TARS3: variants seen among roughly 807,000 people sequenced by gnomAD.
The protein encoded by TARS3 is threonyl-tRNA synthetase 3.
A neutral mutation model predicts 103.5 loss-of-function variants in TARS3; 94 were observed. The ratio of observed to expected loss-of-function variants is 0.91; its 90% confidence interval spans 0.77 to 1.08. The LOEUF (loss-of-function observed/expected upper bound fraction) is 1.08. Among genes scored for constraint, TARS3 ranks in the 50% least tolerant of loss-of-function variants. The probability of loss-of-function intolerance (pLI) is 0.00; values close to 1 mark genes in which losing one functional copy is unlikely to be tolerated. For synonymous variants in TARS3, 416 were observed against 355.4 expected, an observed-to-expected ratio of 1.17 and a Z score of -1.92; for missense variants, 952 against 995.2, an observed-to-expected ratio of 0.96 and a Z score of 0.58.
At chr15:101,707,063 C>A (rs1382819256) in intron 6 of TARS3, among the ~76,000 whole-genome samples, 1 of 152,016 alleles carries the variant, frequency 6.6e-6, no homozygotes, top group Admixed American at 6.6e-5. Flanking sequence ...ACACAAATGG[C>A]CAATAAGCAC....
At chr15:101,678,142 G>A (rs1298664169) in intron 12 of TARS3, among the ~76,000 whole-genome samples, 2 of 151,894 alleles carry the variant, frequency 1.3e-5, no homozygotes, top group Non-Finnish European at 2.9e-5. Flanking sequence ...ACCACACCCA[G>A]CTAATTTATG....
intron 10 of TARS3, among the ~76,000 whole-genome samples, chr15:101,694,525 C>G (rs1361744511): frequency 6.6e-6 from 1 of 152,194 alleles, no homozygotes; most frequent in Non-Finnish European, 1.5e-5. Flanking sequence ...ACACCCTCTA[C>G]TGGCTGGTGA....
At chr15:101,667,476 C>T (rs887780381) in intron 15 of TARS3, among the ~76,000 whole-genome samples, 2 of 152,248 alleles carry the variant, frequency 1.3e-5, no homozygotes, top group African/African-American at 4.8e-5. Flanking sequence ...TTAGTGTTGT[C>T]ATCTTCATCA....
chr15:101,712,566 C>T (rs970487326), intron 4 of TARS3, among the ~76,000 whole-genome samples: 3 of 152,132 alleles, frequency 2.0e-5, no homozygotes, highest in East Asian at 1.9e-4. Context: ...TGCCAGGGAA[C>T]GTCTGCTGGC....
chr15:101,679,144 G>C (rs1898152167), intron 12 of TARS3, among the ~76,000 whole-genome samples: 2 of 152,048 alleles, frequency 1.3e-5, no homozygotes, highest in Admixed American at 6.6e-5. Context: ...AGTTTATCCT[G>C]AACAGCTTTC....
intron 10 of TARS3, among the ~76,000 whole-genome samples, chr15:101,687,538 G>A (rs571443124): frequency 6.6e-6 from 1 of 152,058 alleles, no homozygotes; most frequent in East Asian, 1.9e-4. Context: ...TGTGTGTGTG[G>A]CAGGGTGTGC....
At chr15:101,714,780 T>A in intron 4 of TARS3, 60 bp downstream of exon 4, 1 of 1,536,278 alleles carries the variant, frequency 6.5e-7, no homozygotes, top group South Asian at 1.3e-5. Context: ...TGGCCTCTTA[T>A]ATAATGTAGT....
In TARS3 at chr15:101,685,895, C is replaced by A. The variant is rs1231761791; in HGVS notation, c.1487+1G>T. The stretch of plus-strand genomic sequence containing the variant: ...AGGTCTGCTTCGCTTTTAATACTCA[C>A]CAGTGCCCTGGACAATTCATGGGTT... On this transcript the variant is annotated splice_donor_variant, in intron 11 of 18. Transcript: ENST00000335968. LOFTEE classifies it high-confidence loss of function. The A allele has an allele frequency of 1.2e-6, 2 of 1,613,018 alleles. No homozygotes were observed. Among genetic ancestry groups the A allele is most frequent in the Non-Finnish European group, 1.7e-6 (2 of 1,179,232 alleles).
Position 101,705,745 on chromosome 15 carries a change from G to C in TARS3, c.933C>G (p.Tyr311Ter). The C allele has an allele frequency of 1.9e-6, 3 of 1,602,306 alleles. No homozygotes were observed. The highest frequency in any genetic ancestry group is 2.6e-6 in the Non-Finnish European group (3 of 1,171,640). The part of the protein sequence containing the change: ...SKEILLEMFK[Y>*]NKFKCRILNE... ...TCAGAATGCGGCATTTAAATTTATT[G>C]TACTACGAAGAAAAACATATTTACA... The change falls in exon 7 of 19, where the codon TAC becomes TAG. Residue 311 changes from tyrosine (Y) to a stop codon, truncating the protein, a stop_gained and splice_region_variant. Transcript: ENST00000335968. LOFTEE classifies it high-confidence loss of function.
At chr15:101,702,518 C>T in intron 8 of TARS3, 133 bp from the exon 9 acceptor site, 1 of 762,680 alleles carries the variant, frequency 1.3e-6, no homozygotes. Flanking sequence ...GCCTATAATC[C>T]CAGCACTTTG....
Position 101,702,372 on chromosome 15 carries a change from T to A in TARS3, c.1088A>T (p.Tyr363Phe). The change falls in exon 9 of 19, where the codon TAT becomes TTT. Residue 363 changes from tyrosine (Y) to phenylalanine (F), a missense_variant. By Grantham distance (22) the Tyr-to-Phe change is conservative (BLOSUM62 3). Around this residue, in one of 2 missense-constraint regions of TARS3, gnomAD observed 540 missense variants for 631.0 expected, o/e 0.86. Coordinates refer to ENST00000335968, the MANE Select transcript of TARS3 (RefSeq NM_152334.3). ...TTCCATTTCCGGATTGCCCTCCCAA[T>A]ATGTTGAGGAATTCTAAATATCAAA... ...TIKIFKNSST[Y>F]WEGNPEMETL... 6.2e-7 allele frequency: 1 copy of A among 1,613,656 alleles called. No individual in the cohort carries two copies. Among genetic ancestry groups the A allele is most frequent in the South Asian group, 1.1e-5 (1 of 91,048 alleles).
Position 101,686,282 on chromosome 15 carries a change from T to C in TARS3, c.1321-220A>G, listed in dbSNP as rs144253853. Among the ~76,000 whole-genome samples, 3 of 151,798 alleles carry C rather than the reference T, an allele frequency of 2.0e-5. No individual in the cohort carries two copies. In the South Asian group the frequency reaches 6.2e-4, roughly 31 times the overall value. ...TTGAGTATATTTATTTTATAGCATA[T>C]AACAGTATATAGTATATAATGTTTT... On this transcript the variant is annotated intron_variant, in intron 10 of 18. Coordinates refer to ENST00000335968, the MANE Select transcript of TARS3 (RefSeq NM_152334.3).
At chr15:101,668,133 C>T (rs1482753288) in intron 15 of TARS3, among the ~76,000 whole-genome samples, 4 of 152,176 alleles carry the variant, frequency 2.6e-5, no homozygotes, top group Non-Finnish European at 1.5e-5. Context: ...CCTTTGCATT[C>T]ACAACTTGGG....
At chr15:101,715,360 A>G (rs1416338997) in intron 3 of TARS3, among the ~76,000 whole-genome samples, 1 of 151,800 alleles carries the variant, frequency 6.6e-6, no homozygotes, top group Non-Finnish European at 1.5e-5. Flanking sequence ...TTTAGCCGGG[A>G]TGGTCTCGAT....
intron 13 of TARS3, among the ~76,000 whole-genome samples, chr15:101,674,809 AAAAAAAG>A (rs1199518676): frequency 1.3e-5 from 2 of 151,566 alleles, no homozygotes; most frequent in African/African-American, 4.9e-5. Flanking sequence ...CGTCTCAAAA[AAAAAAAG>A]AAAAAAAGAA....
At chr15:101,666,550 CTAAGT>C (rs1305439935) in intron 15 of TARS3, among the ~76,000 whole-genome samples, 5 of 149,106 alleles carry the variant, frequency 3.4e-5, no homozygotes, top group East Asian at 2.0e-4. Context: ...TGCTATACTA[CTAAGT>C]TAATATATAT....
At position 101,704,184 on chromosome 15, in the gene TARS3, A is replaced by G. The variant is rs28474797; in HGVS notation, c.996-247T>C. 5.5e-3 allele frequency among the ~76,000 whole-genome samples: 835 copies of G among 152,344 alleles called. 5 individuals are homozygous for G. The highest frequency in any genetic ancestry group is 0.019 in the African/African-American group (793 of 41,572). On this transcript the variant is annotated intron_variant, in intron 7 of 18. Coordinates refer to ENST00000335968, the MANE Select transcript of TARS3 (RefSeq NM_152334.3). ...CAATTCTCTGATTAAAAACTTAAAA[A>G]TTACAATGAATACAAAAAGGGACTG...
At chr15:101,714,279 A>G (rs1900017820) in intron 4 of TARS3, among the ~76,000 whole-genome samples, 1 of 152,154 alleles carries the variant, frequency 6.6e-6, no homozygotes, top group Non-Finnish European at 1.5e-5. Flanking sequence ...TTAATAACCA[A>G]AGCATTCTAA....
chr15:101,655,738 C>A lies in TARS3; in HGVS notation c.2261-1008G>T, dbSNP rs1897177708. 3.9e-6 allele frequency: 4 copies of A among 1,021,848 alleles called. No homozygotes were observed. In the African/African-American group the frequency reaches 5.1e-5, roughly 13 times the overall value. The allele number at this position is 1,021,848 out of a possible 1,614,324, so 63.3% of individuals were successfully genotyped here. Reference sequence around the variant, plus strand: ...GGGAGCTCTTACAGGCTCACACTGACCCCACCTGGCACTAGGGTGCAGATG... The same window carrying A: ...GGGAGCTCTTACAGGCTCACACTGAACCCACCTGGCACTAGGGTGCAGATG... On this transcript the variant is annotated intron_variant, in intron 18 of 18. Coordinates refer to ENST00000335968, the MANE Select transcript of TARS3 (RefSeq NM_152334.3).
Sources: allele counts gnomAD v4.1 joint callset (sites outside exome capture counted in the v4.1 genomes callset), GRCh38; gene constraint gnomAD v4.1.1; regional missense constraint gnomAD v4.1.1; transcripts MANE v1.5; gene names NCBI Gene and HGNC (gene_info 2026-07-23, HGNC 2026-07-21).